Variants in SLC8A1 observed in about 807,000 individuals in gnomAD.
SLC8A1 encodes the protein solute carrier family 8 member A1, also known as sodium/calcium exchanger 1.
SLC8A1 carries 18 observed loss-of-function variants against 68.3 expected under a neutral mutation model. The ratio of observed to expected loss-of-function variants is 0.26; its 90% CI spans 0.18 to 0.39. The LOEUF (loss-of-function observed/expected upper bound fraction) is 0.39. Ranked by LOEUF, SLC8A1 falls within the 10% of genes least tolerant of loss-of-function variation. The probability of loss-of-function intolerance (pLI) is 1.00; values close to 1 mark genes in which losing one functional copy is unlikely to be tolerated. For synonymous variants in SLC8A1, 475 were observed against 415.5 expected (o/e 1.14, Z -1.74); for missense variants, 985 against 1,156.7 (o/e 0.85, Z 2.15).
At chr2:40,359,931 TA>T (rs11320388) in intron 2 of SLC8A1, among the ~76,000 whole-genome samples, 67,562 of 141,672 alleles carry the variant, frequency 0.48, 15,806 homozygotes, top group Admixed American at 0.58. Flanking sequence ...GAGTTTAACT[TA>T]AAAAAAAAAA....
intron 2 of SLC8A1, among the ~76,000 whole-genome samples, chr2:40,281,414 G>C (rs557016319): frequency 7.2e-5 from 11 of 152,306 alleles, no homozygotes; most frequent in African/African-American, 2.6e-4. Context: ...TGAGTTGAAA[G>C]GTGCTATAAA....
intron 2 of SLC8A1, among the ~76,000 whole-genome samples, chr2:40,218,051 A>G (rs2057759129): frequency 1.3e-5 from 2 of 152,178 alleles, no homozygotes; most frequent in Non-Finnish European, 2.9e-5. Context: ...TAGTAAAGAG[A>G]CACAGCCTTC....
intron 1 of SLC8A1, among the ~76,000 whole-genome samples, chr2:40,443,942 A>G (rs949173071): frequency 1.3e-5 from 2 of 152,184 alleles, no homozygotes; most frequent in African/African-American, 4.8e-5. Flanking sequence ...CCAAATATGT[A>G]CCACATCATC....
intron 2 of SLC8A1, among the ~76,000 whole-genome samples, chr2:40,425,345 A>G (rs577794060): frequency 2.3e-3 from 349 of 152,036 alleles, no homozygotes; most frequent in Non-Finnish European, 4.4e-3. Flanking sequence ...TACACTAAAA[A>G]TAAGATCAAA....
intron 2 of SLC8A1, among the ~76,000 whole-genome samples, chr2:40,294,207 T>C (rs2069888229): frequency 6.6e-6 from 1 of 152,194 alleles, no homozygotes; most frequent in Non-Finnish European, 1.5e-5. Context: ...TAAAGATTTT[T>C]AATGCAGCAT....
intron 1 of SLC8A1, among the ~76,000 whole-genome samples, chr2:40,494,247 T>G (rs1029869458): frequency 6.6e-6 from 1 of 152,086 alleles, no homozygotes; most frequent in African/African-American, 2.4e-5. Context: ...TCCAATAGCT[T>G]TTAAGAAAAC....
intron 2 of SLC8A1, among the ~76,000 whole-genome samples, chr2:40,270,685 C>T (rs1222210641): frequency 2.6e-5 from 4 of 152,222 alleles, no homozygotes; most frequent in African/African-American, 7.2e-5. Flanking sequence ...GACTTAATCA[C>T]ACCTTAAAAG....
intron 7 of SLC8A1, among the ~76,000 whole-genome samples, chr2:40,124,417 C>G (rs998199342): frequency 5.9e-5 from 9 of 152,148 alleles, no homozygotes; most frequent in African/African-American, 2.2e-4. Flanking sequence ...AAAAGTAGGC[C>G]ACTGCATGCA....
At chr2:40,324,150 C>T (rs1226465010) in intron 2 of SLC8A1, among the ~76,000 whole-genome samples, 1 of 151,822 alleles carries the variant, frequency 6.6e-6, no homozygotes, top group Non-Finnish European at 1.5e-5. Flanking sequence ...ATATTCTAAA[C>T]AGAAATCCAC....
At chr2:40,199,536 CA>C (rs1303177688) in intron 2 of SLC8A1, among the ~76,000 whole-genome samples, 2 of 151,374 alleles carry the variant, frequency 1.3e-5, no homozygotes, top group Middle Eastern at 3.4e-3. Flanking sequence ...AATACTAGAT[CA>C]AAAAGGAAGG....
At chr2:40,386,922 G>A (rs1683749365) in intron 2 of SLC8A1, among the ~76,000 whole-genome samples, 1 of 151,222 alleles carries the variant, frequency 6.6e-6, no homozygotes, top group Non-Finnish European at 1.5e-5. Flanking sequence ...TTCTACTATA[G>A]CAGATCACTT....
intron 4 of SLC8A1, among the ~76,000 whole-genome samples, chr2:40,165,357 G>A (rs992011724): frequency 1.4e-4 from 21 of 152,124 alleles, no homozygotes; most frequent in African/African-American, 5.1e-4. Context: ...TTCAGCACGT[G>A]ACCAAAGGGA....
chr2:40,193,995 G>C (rs115191644), intron 2 of SLC8A1, among the ~76,000 whole-genome samples: 2,101 of 152,186 alleles, frequency 0.014, 57 homozygotes, highest in African/African-American at 0.048. Flanking sequence ...AAAACAAGTT[G>C]AAATTGCATG....
chr2:40,199,386 T>C (rs1316639850), intron 2 of SLC8A1, among the ~76,000 whole-genome samples: 1 of 151,734 alleles, frequency 6.6e-6, no homozygotes. Context: ...CATGATACTC[T>C]TATTCCATCA....
At chr2:40,381,479 A>G (rs1681767659) in intron 2 of SLC8A1, among the ~76,000 whole-genome samples, 2 of 151,972 alleles carry the variant, frequency 1.3e-5, no homozygotes, top group Non-Finnish European at 2.9e-5. Context: ...TATCTCCAGA[A>G]CAGGTTTCTT....
rs1049915345 is a variant in SLC8A1 at position 40,465,901 on chromosome 2, C to T, written c.-24-35597G>A. ...TGAATGGATTAACACCAATATAGAA[C>T]GGTCTTTTGGGGAGTGGATTTTCTC... On this transcript the variant is annotated intron_variant, in intron 1 of 7. Coordinates refer to the SLC8A1 transcript ENST00000402441. Among the ~76,000 whole-genome samples the T allele has an allele frequency of 7.9e-5, 12 of 152,074 alleles. No homozygotes were observed. In the East Asian group the frequency reaches 1.2e-3, roughly 15 times the overall value.
chr2:40,145,886 A>G (rs72791099), intron 6 of SLC8A1, among the ~76,000 whole-genome samples: 1 of 152,324 alleles, frequency 6.6e-6, no homozygotes, highest in Non-Finnish European at 1.5e-5. Context: ...GTCTAGTGAC[A>G]CCTTATCTCT....
At position 40,271,380 on chromosome 2, in the gene SLC8A1, G is replaced by A. The variant is rs184655131; in HGVS notation, c.1809-93525C>T. Among the ~76,000 whole-genome samples, 57 of 152,156 alleles carry A rather than the reference G, an allele frequency of 3.7e-4. No individual in the cohort carries two copies. The East Asian group carries it at 6.0e-3, about 16-fold the overall frequency. On this transcript the variant is annotated intron_variant, in intron 2 of 7. Transcript: ENST00000406785. ...CCCTCTGCATGGAAGGGTTGACCCC[G>A]GATCTTTGCATGGTTAATTTCTTCC...
chr2:40,460,063 T>G (rs1190132760), intron 1 of SLC8A1, among the ~76,000 whole-genome samples: 1 of 152,228 alleles, frequency 6.6e-6, no homozygotes, highest in South Asian at 2.1e-4. Context: ...CTTGTATACT[T>G]CTTTTCACGT....
Sources: allele counts gnomAD v4.1 joint callset (sites outside exome capture counted in the v4.1 genomes callset), GRCh38; gene constraint gnomAD v4.1.1; transcripts MANE v1.5; gene names NCBI Gene and HGNC (gene_info 2026-07-23, HGNC 2026-07-21).